Variants in NR3C2 observed in about 807,000 individuals in gnomAD.
NR3C2 encodes the protein mineralocorticoid receptor.
NR3C2 carries 15 observed loss-of-function variants against 86.4 expected under a neutral mutation model. That is an observed-to-expected ratio of 0.17 (90% confidence interval 0.12 to 0.27). NR3C2 has a LOEUF of 0.27. NR3C2 is among the 10% of genes least tolerant of loss of function. The pLI, the probability that NR3C2 is intolerant of heterozygous loss-of-function variation, is 1.00. For synonymous variants in NR3C2, 458 were observed against 450.5 expected (o/e 1.02, Z -0.21); for missense variants, 960 against 1,195.6 (o/e 0.80, Z 2.91).
intron 2 of NR3C2, among the ~76,000 whole-genome samples, chr4:148,297,613 G>C (rs1416825149): frequency 6.6e-6 from 1 of 152,030 alleles, no homozygotes; most frequent in Non-Finnish European, 1.5e-5. Flanking sequence ...TACAAAAGTA[G>C]ACAGGTGTAG....
chr4:148,192,840 C>A (rs550624987), intron 4 of NR3C2, among the ~76,000 whole-genome samples: 1 of 152,252 alleles, frequency 6.6e-6, no homozygotes, highest in African/African-American at 2.4e-5. Flanking sequence ...GCCACCCCAA[C>A]AGCCCAAGTC....
intron 8 of NR3C2, among the ~76,000 whole-genome samples, chr4:148,112,961 A>G (rs567097389): frequency 6.6e-6 from 1 of 152,340 alleles, no homozygotes; most frequent in Admixed American, 6.5e-5. Flanking sequence ...TGGGCAATAA[A>G]TTCTCCAAAA....
chr4:148,171,237 C>T (rs909235576), intron 4 of NR3C2, among the ~76,000 whole-genome samples: 2 of 152,146 alleles, frequency 1.3e-5, no homozygotes, highest in African/African-American at 4.8e-5. Flanking sequence ...TATGTCTCAT[C>T]TTTGAAAGTT....
At chr4:148,133,231 A>G (rs1322643339) in intron 6 of NR3C2, among the ~76,000 whole-genome samples, 1 of 151,622 alleles carries the variant, frequency 6.6e-6, no homozygotes, top group African/African-American at 2.4e-5. Flanking sequence ...CTAGTGAAGT[A>G]TTTTTTTCAC....
intron 3 of NR3C2, among the ~76,000 whole-genome samples, chr4:148,231,204 A>AT (rs1240617701): frequency 6.6e-6 from 1 of 152,214 alleles, no homozygotes; most frequent in East Asian, 1.9e-4. Context: ...TCTCTAATGC[A>AT]TGTAAGGACC....
chr4:148,228,325 T>C (rs1380480530), intron 3 of NR3C2, among the ~76,000 whole-genome samples: 1 of 152,092 alleles, frequency 6.6e-6, no homozygotes, highest in African/African-American at 2.4e-5. Context: ...CCAGTGACAG[T>C]ACATCGTCCA....
intron 2 of NR3C2, among the ~76,000 whole-genome samples, chr4:148,283,258 G>A (rs1741338826): frequency 6.6e-6 from 1 of 152,142 alleles, no homozygotes. Context: ...GAACTGAATG[G>A]ATCAGGAAAA....
intron 8 of NR3C2, among the ~76,000 whole-genome samples, chr4:148,089,190 T>C (rs1730952781): frequency 6.6e-6 from 1 of 152,182 alleles, no homozygotes; most frequent in African/African-American, 2.4e-5. Flanking sequence ...GGGAAAAAAC[T>C]GTCATGCTTC....
At chr4:148,204,104 T>C (rs1319052344) in intron 3 of NR3C2, among the ~76,000 whole-genome samples, 5 of 152,214 alleles carry the variant, frequency 3.3e-5, no homozygotes, top group Non-Finnish European at 7.3e-5. Context: ...TTTTTTAAAA[T>C]GTACTTTTAA....
intron 3 of NR3C2, among the ~76,000 whole-genome samples, chr4:148,243,440 T>C (rs960002051): frequency 1.3e-5 from 2 of 152,208 alleles, no homozygotes; most frequent in Non-Finnish European, 2.9e-5. Context: ...AATTTTACTT[T>C]ATTTGACTGC....
chr4:148,271,485 G>A lies in NR3C2; in HGVS notation c.1758-11368C>T, dbSNP rs989528186. ...TGTTTTTTTGGCCACTAAGATTTTCGGCACACACTGAACTAGTGCTGCTCC... is the reference window on the plus strand; with the variant it reads ...TGTTTTTTTGGCCACTAAGATTTTCAGCACACACTGAACTAGTGCTGCTCC... On this transcript the variant is annotated intron_variant, in intron 2 of 8. Coordinates refer to ENST00000358102, the MANE Select transcript of NR3C2 (RefSeq NM_000901.5). Among the ~76,000 whole-genome samples, 6 of 151,856 alleles carry A rather than the reference G, an allele frequency of 4.0e-5. No individual in the cohort carries two copies. In the East Asian group the frequency reaches 9.7e-4, roughly 24 times the overall value.
chr4:148,260,797 G>A (rs1290875639), intron 2 of NR3C2, among the ~76,000 whole-genome samples: 1 of 152,154 alleles, frequency 6.6e-6, no homozygotes, highest in African/African-American at 2.4e-5. Flanking sequence ...GGCTCTCTGG[G>A]AAACAGTTTT....
chr4:148,223,742 A>C (rs147511362), intron 3 of NR3C2, among the ~76,000 whole-genome samples: 9 of 152,332 alleles, frequency 5.9e-5, no homozygotes, highest in African/African-American at 2.2e-4. Context: ...ATTTTTCATA[A>C]AGAACAAAGG....
chr4:148,260,968 T>C (rs969639061), intron 2 of NR3C2, among the ~76,000 whole-genome samples: 1 of 152,234 alleles, frequency 6.6e-6, no homozygotes, highest in African/African-American at 2.4e-5. Context: ...AGTTTAGATA[T>C]GTACCAAGCA....
At chr4:148,366,434 A>G (rs1746116287) in intron 2 of NR3C2, among the ~76,000 whole-genome samples, 1 of 150,874 alleles carries the variant, frequency 6.6e-6, no homozygotes. Context: ...GAAAAAGAAT[A>G]CTTTTTTAAA....
intron 2 of NR3C2, among the ~76,000 whole-genome samples, chr4:148,376,943 A>C (rs549594960): frequency 6.6e-6 from 1 of 152,218 alleles, no homozygotes; most frequent in Non-Finnish European, 1.5e-5. Context: ...ATTATGCCCA[A>C]ATAAAATGGA....
At chr4:148,197,950 G>A (rs1362280644) in intron 3 of NR3C2, among the ~76,000 whole-genome samples, 1 of 152,034 alleles carries the variant, frequency 6.6e-6, no homozygotes, top group Non-Finnish European at 1.5e-5. Context: ...CTCGAGTTCA[G>A]TGTACCTCCT....
chr4:148,252,871 T>A (rs188141491), intron 3 of NR3C2, among the ~76,000 whole-genome samples: 1 of 152,284 alleles, frequency 6.6e-6, no homozygotes, highest in Admixed American at 6.5e-5. Context: ...GTGAGCCACC[T>A]TGGATTATTT....
chr4:148,302,318 C>T (rs2149923732), intron 2 of NR3C2, among the ~76,000 whole-genome samples: 1 of 152,294 alleles, frequency 6.6e-6, no homozygotes, highest in East Asian at 1.9e-4. Context: ...TTTACTTTTG[C>T]TTGGAACATT....
Sources: gnomAD v4.1 joint callset for allele counts (sites outside exome capture counted in the v4.1 genomes callset) on GRCh38, gnomAD v4.1.1 for gene constraint, MANE v1.5 for transcripts, NCBI Gene and HGNC (gene_info 2026-07-23, HGNC 2026-07-21) for gene names.